The following CPZ variants were observed in gnomAD, a reference collection of about 807,000 sequenced individuals.
CPZ encodes the protein VEZT/CPZ fusion.
Under a neutral mutation model 61.8 loss-of-function variants are expected in CPZ, and 103 were observed. The observed-to-expected ratio is 1.67, with a 90% CI of 1.42 to 1.96. The LOEUF (loss-of-function observed/expected upper bound fraction) is 1.96, where lower values mean the gene tolerates loss of function less well. Ranked by LOEUF, CPZ falls within the 30% of genes most tolerant of loss-of-function variation. The pLI is 0.00. For missense variants in CPZ, 1,461 were observed against 914.9 expected (o/e 1.60, Z -7.70); for synonymous variants, 551 against 373.7 (o/e 1.47, Z -5.47).
chr4:8,609,431 T>C (rs996793381), intron 7 of CPZ, among the ~76,000 whole-genome samples: 2 of 152,174 alleles, frequency 1.3e-5, no homozygotes, highest in Non-Finnish European at 2.9e-5. Context: ...CCTCACTCAT[T>C]CATTCATTGA....
At chr4:8,619,106 A>AG (rs557642999) in intron 10 of CPZ, among the ~76,000 whole-genome samples, 156 bp from the exon 11 acceptor site, 115 of 152,256 alleles carry the variant, frequency 7.6e-4, no homozygotes, top group Admixed American at 1.2e-3. Flanking sequence ...GACAGAGAAA[A>AG]GGGGTGGGAA....
intron 1 of CPZ, among the ~76,000 whole-genome samples, chr4:8,593,710 C>T (rs1020353615): frequency 6.6e-6 from 1 of 152,190 alleles, no homozygotes; most frequent in Non-Finnish European, 1.5e-5. Context: ...CGCTTGTTCT[C>T]TGGGGTTTGT....
chr4:8,615,820 G>T (rs979834168), intron 9 of CPZ, among the ~76,000 whole-genome samples: 1 of 152,214 alleles, frequency 6.6e-6, no homozygotes, highest in Non-Finnish European at 1.5e-5. Context: ...CTTCCTCCAA[G>T]TAAGAATCGA....
At chr4:8,596,291 T>C (rs4696700) in intron 1 of CPZ, among the ~76,000 whole-genome samples, 150,172 of 152,230 alleles carry the variant, frequency 0.99, 74,104 homozygotes, top group East Asian at 1. Flanking sequence ...ACCTCGTGAT[T>C]CACCCGCCTA....
intron 7 of CPZ, chr4:8,611,055 C>CTCACTCACTCAT (rs1273681846): frequency 1.4e-4 from 52 of 375,424 alleles, no homozygotes; most frequent in South Asian, 9.7e-4. Context: ...CACGCATTCG[C>CTCACTCACTCAT]TCACTCACTC....
In CPZ at chr4:8,614,516, CAG is replaced by C. The variant is rs759317724; in HGVS notation, c.1503+19_1503+20del. The C allele has an allele frequency of 6.2e-7, 1 of 1,610,990 alleles. No individual in the cohort carries two copies. Among genetic ancestry groups the C allele is most frequent in the Non-Finnish European group, 8.5e-7 (1 of 1,178,374 alleles). On this transcript the variant is annotated intron_variant, in intron 9 of 10. Coordinates refer to ENST00000360986, the MANE Select transcript of CPZ (RefSeq NM_001014447.3). ...TGGAGACGGTGAGTTCTGACGGTCTCAGGGCTCTGGTCCAGCTGTGGCCTGGG... is the reference window on the plus strand; with the variant it reads ...TGGAGACGGTGAGTTCTGACGGTCTCGGCTCTGGTCCAGCTGTGGCCTGGG...
intron 7 of CPZ, among the ~76,000 whole-genome samples, chr4:8,609,926 T>G (rs1715511443): frequency 6.6e-6 from 1 of 152,120 alleles, no homozygotes; most frequent in Non-Finnish European, 1.5e-5. Context: ...CAAACTTCCA[T>G]GGTGCCCTAC....
At chr4:8,614,685 C>T (rs746784636) in intron 9 of CPZ, among the ~76,000 whole-genome samples, 187 bp downstream of exon 9, 22 of 152,334 alleles carry the variant, frequency 1.4e-4, no homozygotes, top group Admixed American at 2.6e-4. Context: ...CTCTCCTTTG[C>T]GTGCTCTGTG....
Position 8,618,536 on chromosome 4 carries a change from C to T in CPZ, c.1603+8C>T, listed in dbSNP as rs371901059. On this transcript the variant is annotated splice_region_variant and intron_variant, in intron 10 of 10. Transcript: ENST00000360986. ...GCCACGACATCACCACAGGTGAGCACGTCCCTGGCTGTCCCCTGGGGACCA... is the reference window on the plus strand; with the variant it reads ...GCCACGACATCACCACAGGTGAGCATGTCCCTGGCTGTCCCCTGGGGACCA... 57 of 1,612,150 alleles carry T rather than the reference C, an allele frequency of 3.5e-5. No individual in the cohort carries two copies. Among genetic ancestry groups the T allele is most frequent in the Non-Finnish European group, 4.2e-5 (50 of 1,179,692 alleles).
chr4:8,596,693 C>T (rs906230748), intron 1 of CPZ, among the ~76,000 whole-genome samples: 3 of 152,190 alleles, frequency 2.0e-5, no homozygotes, highest in Admixed American at 6.5e-5. Context: ...AACTGAGGCA[C>T]GGGCAGTGGT....
intron 10 of CPZ, among the ~76,000 whole-genome samples, chr4:8,618,789 G>T (rs1211346980): frequency 2.6e-5 from 4 of 152,184 alleles, no homozygotes; most frequent in Non-Finnish European, 5.9e-5. Context: ...GGAAAATGCC[G>T]CCTCCTCCAA....
intron 7 of CPZ, among the ~76,000 whole-genome samples, chr4:8,609,343 ATTCT>A (rs1253972674): frequency 2.0e-5 from 3 of 152,116 alleles, no homozygotes; most frequent in African/African-American, 7.2e-5. Context: ...TCACTCACTC[ATTCT>A]CTCATTCATT....
At chr4:8,605,915 G>C in intron 4 of CPZ, 74 bp from the exon 5 acceptor site, 1 of 1,461,412 alleles carries the variant, frequency 6.8e-7, no homozygotes, top group South Asian at 1.2e-5. Flanking sequence ...CATTCTTGCT[G>C]AGTGGGGGGG....
intron 7 of CPZ, among the ~76,000 whole-genome samples, chr4:8,610,975 TTCAC>T (rs1250629982): frequency 4.0e-5 from 6 of 151,894 alleles, no homozygotes; most frequent in African/African-American, 1.2e-4. Context: ...CAATCACTCA[TTCAC>T]TCAGTCACTC....
intron 9 of CPZ, among the ~76,000 whole-genome samples, chr4:8,615,429 G>A (rs745754190): frequency 1.3e-5 from 2 of 152,168 alleles, no homozygotes; most frequent in Non-Finnish European, 2.9e-5. Flanking sequence ...TTTCCCAAGC[G>A]TTTTCAAGAA....
intron 9 of CPZ, among the ~76,000 whole-genome samples, chr4:8,615,217 T>C (rs1378680485): frequency 6.6e-6 from 1 of 151,838 alleles, no homozygotes; most frequent in African/African-American, 2.4e-5. Flanking sequence ...TGAGTGGGGA[T>C]GGCTGAGAAT....
At position 8,606,797 on chromosome 4, in the gene CPZ, C is replaced by G; in HGVS notation, c.967C>G (p.Arg323Gly). The G allele has an allele frequency of 1.2e-6, 2 of 1,614,166 alleles. No individual in the cohort carries two copies. The highest frequency in any genetic ancestry group is 1.7e-6 in the Non-Finnish European group (2 of 1,180,034). ...RQNAQNLDLN[R>G]NFPDLTSEYY... The stretch of plus-strand genomic sequence containing the variant: ...GAACGCGCAGAACCTGGATCTGAAC[C>G]GAAATTTCCCGGACCTGACGTCCGA... Residue 323 changes from arginine (R) to glycine (G), a missense_variant, in exon 6 of 11, where the codon CGA (arginine) becomes GGA (glycine). Physicochemically the swap from Arg to Gly is moderately radical, Grantham distance 125. Transcript: ENST00000360986.
At chr4:8,603,677 C>T (rs60203656) in intron 3 of CPZ, 8,392 of 476,490 alleles carry the variant, frequency 0.018, 284 homozygotes, top group African/African-American at 0.078. Flanking sequence ...CCCCATATAT[C>T]TGTCTTCCTT....
Position 8,600,529 on chromosome 4 carries a change from G to A in CPZ, c.122-594G>A, listed in dbSNP as rs536037351. ...GGGCCTTAAAGATGGGGCTTTTGGAGCTAAACAAACAGCTGTGATGAGGAA... is the reference window on the plus strand; with the variant it reads ...GGGCCTTAAAGATGGGGCTTTTGGAACTAAACAAACAGCTGTGATGAGGAA... On this transcript the variant is annotated intron_variant, in intron 2 of 10. Transcript: ENST00000360986. 6.0e-4 allele frequency among the ~76,000 whole-genome samples: 92 copies of A among 152,232 alleles called. 1 individual carries two copies. The highest frequency in any genetic ancestry group is 1.0e-3 in the South Asian group (5 of 4,830).
Sources: gnomAD v4.1 joint callset for allele counts (sites outside exome capture counted in the v4.1 genomes callset) on GRCh38, gnomAD v4.1.1 for gene constraint, MANE v1.5 for transcripts, NCBI Gene and HGNC (gene_info 2026-07-23, HGNC 2026-07-21) for gene names.